The following ACTR6 variants were observed in gnomAD, a reference collection of about 807,000 sequenced individuals.
The protein encoded by ACTR6 is actin-related protein 6.
ACTR6 carries 50 observed loss-of-function variants against 52.5 expected under a neutral mutation model. The observed-to-expected ratio is 0.95, with a 90% CI of 0.76 to 1.20. ACTR6 has a LOEUF of 1.20. ACTR6 is among the 50% of genes most tolerant of loss of function. ACTR6 has a pLI of 0.00. For synonymous variants in ACTR6, 135 were observed against 147.2 expected (o/e 0.92, Z 0.60); for missense variants, 344 against 472.4 (o/e 0.73, Z 2.52).
intron 4 of ACTR6, chr12:100,208,668 G>C (rs2096117156): frequency 4.4e-6 from 2 of 455,242 alleles, no homozygotes; most frequent in Middle Eastern, 6.5e-4. Flanking sequence ...TGAAGTTACT[G>C]GCCACATATT....
chr12:100,205,853 A>G (rs2096114127), intron 3 of ACTR6, 109 bp downstream of exon 3: 5 of 565,324 alleles, frequency 8.8e-6, no homozygotes, highest in Admixed American at 6.8e-5. Context: ...TTCTCCGCAC[A>G]TTTAAAATAA....
rs770549446 is a variant in ACTR6 at position 100,212,240 on chromosome 12, C to A, written c.573-16C>A. 2 of 1,514,242 alleles carry A rather than the reference C, an allele frequency of 1.3e-6. No individual in the cohort carries two copies. Among genetic ancestry groups the A allele is most frequent in the East Asian group, 2.3e-5 (1 of 43,418 alleles). 93.8% of individuals were successfully genotyped at this position (1,514,242 alleles called of 1,614,324 possible). ...AATTGTTTTGCTTCAAATTTTACAA[C>A]TTTTATTTCTGTTAGGCAGCTACAT... On this transcript the variant is annotated splice_polypyrimidine_tract_variant and intron_variant, in intron 6 of 10. Transcript: ENST00000188312.
At chr12:100,211,142 C>T (rs1426737015) in intron 6 of ACTR6, among the ~76,000 whole-genome samples, 8 of 152,146 alleles carry the variant, frequency 5.3e-5, no homozygotes, top group Admixed American at 1.3e-4. Context: ...ACCTGCACTT[C>T]GCGCCCCTGA....
At chr12:100,213,559 T>A (rs982253426) in intron 8 of ACTR6, among the ~76,000 whole-genome samples, 2 of 152,252 alleles carry the variant, frequency 1.3e-5, no homozygotes, top group Admixed American at 1.3e-4. Flanking sequence ...ATATTATGGC[T>A]AACCCATTTT....
At position 100,212,465 on chromosome 12, in the gene ACTR6, A is replaced by G. The variant is rs1233707147; in HGVS notation, c.687A>G (p.Glu229=). The G allele has an allele frequency of 6.2e-7, 1 of 1,613,766 alleles. No homozygotes were observed. The highest frequency in any genetic ancestry group is 1.7e-5 in the Admixed American group (1 of 59,974). ...TGTTTTCCAGGTTGAAAGGAGAAGA[A>G]AATACAGTAATGATAGACTATGTCT... The part of the protein sequence containing the change: ...DMDIAKLKGE[E]NTVMIDYVLP... Residue 229 remains glutamate (E), a synonymous_variant, in exon 8 of 11, where the codon GAA becomes GAG. Coordinates refer to ENST00000188312, the MANE Select transcript of ACTR6 (RefSeq NM_022496.5).
intron 1 of ACTR6, among the ~76,000 whole-genome samples, chr12:100,201,995 G>A (rs947614310): frequency 3.3e-5 from 5 of 150,480 alleles, no homozygotes; most frequent in African/African-American, 4.9e-5. Flanking sequence ...GCAGTGGCAC[G>A]ATCTCGGCTC....
chr12:100,204,876 T>C (rs1262151952), intron 1 of ACTR6, 64 bp from the exon 2 acceptor site: 1 of 1,014,886 alleles, frequency 9.9e-7, no homozygotes, highest in Admixed American at 1.9e-5. Flanking sequence ...AGAGTGGTGG[T>C]GAAGTAAAAA....
chr12:100,212,489 C>G lies in ACTR6; in HGVS notation c.711C>G (p.Val237=). The change falls in exon 8 of 11, where the codon GTC becomes GTG. Residue 237 remains valine, a synonymous_variant. Transcript: ENST00000188312. ...GEENTVMIDY[V]LPDFSTIKKG... ...AAAATACAGTAATGATAGACTATGT[C>G]TTGCCTGACTTCAGTACAATTAAAA... The G allele has an allele frequency of 6.2e-7, 1 of 1,613,778 alleles. No individual in the cohort carries two copies. Among genetic ancestry groups the G allele is most frequent in the South Asian group, 1.1e-5 (1 of 91,080 alleles).
At chr12:100,223,056 G>A (rs184386852) in intron 10 of ACTR6, among the ~76,000 whole-genome samples, 373 of 152,200 alleles carry the variant, frequency 2.5e-3, no homozygotes, top group African/African-American at 8.6e-3. Flanking sequence ...AGTGGGAGTA[G>A]GCTGGGTGTG....
At chr12:100,212,624 G>A in intron 8 of ACTR6, 96 bp downstream of exon 8, 2 of 817,182 alleles carry the variant, frequency 2.4e-6, no homozygotes, top group Non-Finnish European at 2.0e-6. Flanking sequence ...AGACTGGCCT[G>A]GGCAACAAAG....
chr12:100,202,883 T>C (rs2096111030), intron 1 of ACTR6, among the ~76,000 whole-genome samples: 1 of 151,600 alleles, frequency 6.6e-6, no homozygotes, highest in African/African-American at 2.4e-5. Context: ...AAGTTGCTAC[T>C]TCTGTACCCT....
At position 100,223,848 on chromosome 12, in the gene ACTR6, T is replaced by C. The variant is rs1173404121; in HGVS notation, c.1124T>C (p.Met375Thr). The change falls in exon 11 of 11, where the codon ATG becomes ACG. Residue 375 changes from methionine to threonine, a missense_variant. Coordinates refer to ENST00000188312, the MANE Select transcript of ACTR6 (RefSeq NM_022496.5). ...TCAGAGAATGATGATTTTGAAGATATGGTGGTAACAAGAGAAGATTACGAA... is the reference window on the plus strand; with the variant it reads ...TCAGAGAATGATGATTTTGAAGATACGGTGGTAACAAGAGAAGATTACGAA... ...LISENDDFED[M>T]VVTREDYEEN... 3 of 1,612,054 alleles carry C rather than the reference T, an allele frequency of 1.9e-6. No homozygotes were observed. Among genetic ancestry groups the C allele is most frequent in the Admixed American group, 1.7e-5 (1 of 59,662 alleles).
At chr12:100,213,724 G>A (rs942620067) in intron 8 of ACTR6, among the ~76,000 whole-genome samples, 1 of 152,134 alleles carries the variant, frequency 6.6e-6, no homozygotes, top group Non-Finnish European at 1.5e-5. Context: ...ATTTCAAAGT[G>A]TTGAGAAGCA....
chr12:100,204,136 T>TA (rs1043201870), intron 1 of ACTR6: 10 of 150,926 alleles, frequency 6.6e-5, no homozygotes, highest in African/African-American at 1.2e-4. Context: ...TACTGAACTT[T>TA]AAAAAAAAAT....
chr12:100,207,755 A>G lies in ACTR6; in HGVS notation c.348A>G (p.Glu116=). ...QESMNEILFE[E]YQFQAVLRVN... The stretch of plus-strand genomic sequence containing the variant: ...CAATGAATGAAATTCTATTTGAAGA[A>G]TACCAGTTTCAAGCAGTATTAAGAG... The change falls in exon 4 of 11, where the codon GAA becomes GAG. Residue 116 remains glutamate, a synonymous_variant. Coordinates refer to ENST00000188312, the MANE Select transcript of ACTR6 (RefSeq NM_022496.5). 6.3e-7 allele frequency: 1 copy of G among 1,598,766 alleles called. No individual in the cohort carries two copies. The highest frequency in any genetic ancestry group is 8.6e-7 in the Non-Finnish European group (1 of 1,169,000).
chr12:100,202,213 G>T (rs2096110338), intron 1 of ACTR6, among the ~76,000 whole-genome samples: 1 of 152,100 alleles, frequency 6.6e-6, no homozygotes, highest in South Asian at 2.1e-4. Flanking sequence ...TTACAGGTGT[G>T]AGCCACCGCA....
chr12:100,205,153 TAACTACAACCTA>T, intron 2 of ACTR6, 96 bp downstream of exon 2: 2 of 684,844 alleles, frequency 2.9e-6, no homozygotes, highest in Non-Finnish European at 4.5e-6. Flanking sequence ...ACTTAAATTT[TAACTACAACCTA>T]ATTAAACCCA....
chr12:100,216,217 G>T, intron 8 of ACTR6, among the ~76,000 whole-genome samples: 1 of 152,356 alleles, frequency 6.6e-6, no homozygotes, highest in East Asian at 1.9e-4. Flanking sequence ...GCACAGCGGT[G>T]TGATCACAGC....
chr12:100,223,075 C>T (rs1346016948), intron 10 of ACTR6, among the ~76,000 whole-genome samples: 1 of 152,098 alleles, frequency 6.6e-6, no homozygotes, highest in Non-Finnish European at 1.5e-5. Context: ...TGGTGGCTCA[C>T]AACTATAATC....
Sources: gnomAD v4.1 joint callset for allele counts (sites outside exome capture counted in the v4.1 genomes callset) on GRCh38, gnomAD v4.1.1 for gene constraint, MANE v1.5 for transcripts, NCBI Gene and HGNC (gene_info 2026-07-23, HGNC 2026-07-21) for gene names.